The following TAPT1 variants were observed in gnomAD, a reference collection of about 807,000 sequenced individuals.
The protein encoded by TAPT1 is transmembrane anterior posterior transformation 1.
TAPT1 carries 28 observed loss-of-function variants against 65.6 expected under a neutral mutation model. The observed-to-expected ratio is 0.43, with a 90% CI of 0.32 to 0.59. TAPT1 has a LOEUF of 0.59. Among genes scored for constraint, TAPT1 ranks in the 20% least tolerant of loss-of-function variants. TAPT1 has a pLI of 0.09. For missense variants in TAPT1, 563 were observed against 679.9 expected, an observed-to-expected ratio of 0.83 and a Z score of 1.91; for synonymous variants, 278 against 245.2, an observed-to-expected ratio of 1.13 and a Z score of -1.25.
intron 3 of TAPT1, among the ~76,000 whole-genome samples, chr4:16,199,021 CT>C (rs1749880710): frequency 6.6e-6 from 1 of 152,138 alleles, no homozygotes; most frequent in East Asian, 1.9e-4. Flanking sequence ...ATAAACCATA[CT>C]TAAGGCACTA....
chr4:16,185,605 G>A (rs1202367664), intron 7 of TAPT1, among the ~76,000 whole-genome samples: 1 of 152,130 alleles, frequency 6.6e-6, no homozygotes, highest in Non-Finnish European at 1.5e-5. Flanking sequence ...CTGACCTCAG[G>A]TGATCCACCA....
At chr4:16,202,232 G>A (rs538350557) in intron 3 of TAPT1, among the ~76,000 whole-genome samples, 15 of 151,966 alleles carry the variant, frequency 9.9e-5, no homozygotes, top group African/African-American at 2.2e-4. Flanking sequence ...TTATTTTACC[G>A]GCTAAAGCAA....
At chr4:16,181,229 T>C (rs1578428498) in intron 7 of TAPT1, among the ~76,000 whole-genome samples, 2 of 152,258 alleles carry the variant, frequency 1.3e-5, no homozygotes, top group Non-Finnish European at 2.9e-5. Context: ...TTCACCAAGC[T>C]GTACCTATAT....
intron 1 of TAPT1, among the ~76,000 whole-genome samples, chr4:16,222,316 A>G (rs1187383108): frequency 6.6e-6 from 1 of 152,246 alleles, no homozygotes; most frequent in Non-Finnish European, 1.5e-5. Context: ...GTCTATATAT[A>G]CTAATTAAGT....
intron 3 of TAPT1, among the ~76,000 whole-genome samples, chr4:16,195,324 T>C (rs573817666): frequency 1.6e-4 from 24 of 152,348 alleles, no homozygotes; most frequent in Admixed American, 2.6e-4. Flanking sequence ...TTTTGAAAAA[T>C]ACTTTCATGC....
intron 7 of TAPT1, among the ~76,000 whole-genome samples, chr4:16,183,679 A>G (rs1428611317): frequency 2.6e-5 from 4 of 152,240 alleles, no homozygotes; most frequent in Non-Finnish European, 5.9e-5. Flanking sequence ...ATATGAATTA[A>G]TTTAAAAAAA....
At chr4:16,187,670 GTGTGTATAAATA>G (rs1356810669) in intron 5 of TAPT1, among the ~76,000 whole-genome samples, 6 of 152,052 alleles carry the variant, frequency 3.9e-5, no homozygotes, top group African/African-American at 1.2e-4. Flanking sequence ...GAGCAGGAAT[GTGTGTATAAATA>G]TGTAGGGGTA....
rs756789454 is a variant in TAPT1 at position 16,161,543 on chromosome 4, T to A, written c.*1765A>T. 2.2e-4 allele frequency: 33 copies of A among 152,620 alleles called. No homozygotes were observed. Among genetic ancestry groups the A allele is most frequent in the Non-Finnish European group, 4.0e-4 (27 of 68,036 alleles). The allele number at this position is 152,620 out of a possible 1,614,324, so 9.5% of individuals were successfully genotyped here. A position where few individuals can be genotyped will look rare whatever the true frequency, so the allele number is the denominator to read the frequency against. On this transcript the variant is annotated 3_prime_UTR_variant, in exon 14 of 14. Coordinates refer to ENST00000405303, the MANE Select transcript of TAPT1 (RefSeq NM_153365.3). ...GTTTGGCAAAGCTTTCCCCAAACTA[T>A]TCCATTCACGGTGGCATTGTTCCTT...
intron 13 of TAPT1, among the ~76,000 whole-genome samples, chr4:16,165,291 C>G (rs928876590): frequency 2.0e-5 from 3 of 152,128 alleles, no homozygotes; most frequent in African/African-American, 7.2e-5. Flanking sequence ...ATCATTTAGG[C>G]CAGGCATGGT....
intron 12 of TAPT1, 172 bp from the exon 13 acceptor site, chr4:16,166,965 G>T: frequency 2.4e-6 from 1 of 413,924 alleles, no homozygotes; most frequent in Non-Finnish European, 4.3e-6. Flanking sequence ...TTGTCACAAA[G>T]AAAAACTTCG....
rs149437835 is a variant in TAPT1 at position 16,197,134 on chromosome 4, G to C, written c.449+5328C>G. Among the ~76,000 whole-genome samples the C allele has an allele frequency of 5.7e-3, 872 of 152,254 alleles. 4 individuals carry two copies. The highest frequency in any genetic ancestry group is 0.024 in the Middle Eastern group (7 of 294). ...GCATCTGAAATTCATAATTCTGGGA[G>C]ACAAGAGCTCTCCCATGGGATAAAC... On this transcript the variant is annotated intron_variant, in intron 3 of 13. Coordinates refer to ENST00000405303, the MANE Select transcript of TAPT1 (RefSeq NM_153365.3).
At chr4:16,196,713 C>CA in intron 3 of TAPT1, 1 of 1,287,680 alleles carries the variant, frequency 7.8e-7, no homozygotes, top group Non-Finnish European at 1.0e-6. Flanking sequence ...GAAAGTGCTC[C>CA]TCCCTTCGGT....
intron 3 of TAPT1, among the ~76,000 whole-genome samples, chr4:16,194,385 T>C (rs991105219): frequency 7.9e-5 from 12 of 152,192 alleles, no homozygotes; most frequent in Non-Finnish European, 1.5e-4. Context: ...CCTGTGGTTG[T>C]ACAGTGATTA....
Position 16,188,368 on chromosome 4 carries a change from A to T in TAPT1, c.613-13T>A, listed in dbSNP as rs75841626. ...GACGATCAGCTACCTAAAAAAAAAA[A>T]TTATTTGTAAGATGTTTCTTAATAT... On this transcript the variant is annotated splice_polypyrimidine_tract_variant and intron_variant, in intron 4 of 13. Coordinates refer to ENST00000405303, the MANE Select transcript of TAPT1 (RefSeq NM_153365.3). 0.21 allele frequency: 321,015 copies of T among 1,530,686 alleles called. 33,641 individuals are homozygous for T. Among genetic ancestry groups the T allele is most frequent in the East Asian group, 0.28 (11,938 of 43,108 alleles). 94.8% of individuals were successfully genotyped at this position (1,530,686 alleles called of 1,614,324 possible).
intron 3 of TAPT1, chr4:16,196,526 G>A (rs1749713373): frequency 2.6e-6 from 1 of 390,484 alleles, no homozygotes. Context: ...ATTTTAAAAA[G>A]GACAGGGATC....
At chr4:16,213,632 G>T in intron 2 of TAPT1, 136 bp downstream of exon 2, 1 of 738,338 alleles carries the variant, frequency 1.4e-6, no homozygotes, top group Non-Finnish European at 2.0e-6. Flanking sequence ...CTTCCTGTAA[G>T]GAAATTTCTA....
intron 2 of TAPT1, among the ~76,000 whole-genome samples, chr4:16,208,762 T>A (rs997622959): frequency 1.3e-5 from 2 of 152,242 alleles, no homozygotes; most frequent in African/African-American, 4.8e-5. Context: ...GCTTTTCCAT[T>A]CTATACAGCT....
chr4:16,202,679 T>C, intron 2 of TAPT1, 99 bp from the exon 3 acceptor site: 1 of 643,302 alleles, frequency 1.6e-6, no homozygotes, highest in Non-Finnish European at 2.6e-6. Flanking sequence ...TTATAAAAAA[T>C]TAATTTCTTA....
chr4:16,220,989 C>A (rs540643288), intron 1 of TAPT1, among the ~76,000 whole-genome samples: 310 of 152,108 alleles, frequency 2.0e-3, no homozygotes, highest in African/African-American at 7.1e-3. Flanking sequence ...CCGCCTTGGC[C>A]TCTCCAAGTG....
Sources: allele counts gnomAD v4.1 joint callset (sites outside exome capture counted in the v4.1 genomes callset), GRCh38; gene constraint gnomAD v4.1.1; transcripts MANE v1.5; gene names NCBI Gene and HGNC (gene_info 2026-07-23, HGNC 2026-07-21).